Variants in SPATS2 observed in about 807,000 individuals in gnomAD.
The protein encoded by SPATS2 is spermatogenesis-associated serine-rich protein 2.
Under a neutral mutation model 63.7 loss-of-function variants are expected in SPATS2, and 38 were observed. The observed-to-expected ratio is 0.60, with a 90% CI of 0.46 to 0.78. The LOEUF (loss-of-function observed/expected upper bound fraction) is 0.78, where lower values mean the gene tolerates loss of function less well. Ranked by LOEUF, SPATS2 falls within the 30% of genes least tolerant of loss-of-function variation. The pLI is 0.00. For missense variants in SPATS2, 588 were observed against 666.2 expected, an observed-to-expected ratio of 0.88 and a Z score of 1.29; for synonymous variants, 207 against 232.9, an observed-to-expected ratio of 0.89 and a Z score of 1.01.
At position 49,382,087 on chromosome 12, in the gene SPATS2, T is replaced by C. The variant is rs537619417; in HGVS notation, c.-244+10797T>C. Reference sequence around the variant, plus strand: ...TCCACAGCTTTGTCCTGAACTCTCCTGTCTCTTGCGATGCCTCTGTGCCTA... The same window carrying C: ...TCCACAGCTTTGTCCTGAACTCTCCCGTCTCTTGCGATGCCTCTGTGCCTA... On this transcript the variant is annotated intron_variant, in intron 2 of 13. Transcript: ENST00000552918. 2.0e-5 allele frequency among the ~76,000 whole-genome samples: 3 copies of C among 152,344 alleles called. No individual in the cohort carries two copies. The East Asian group carries it at 5.8e-4, about 29-fold the overall frequency.
chr12:49,516,152 AAAAAAAAAAAAAAAATATATATATATAT>A (rs1946837089), intron 10 of SPATS2, among the ~76,000 whole-genome samples: 1 of 41,416 alleles, frequency 2.4e-5, no homozygotes, highest in Non-Finnish European at 4.2e-5. Context: ...AAAAAAAAAA[AAAAAAAAAAAAAAAATATATATATATAT>A]ATATATATAT....
chr12:49,471,574 T>C (rs1462576832), intron 3 of SPATS2, among the ~76,000 whole-genome samples: 3 of 152,168 alleles, frequency 2.0e-5, no homozygotes, highest in African/African-American at 7.2e-5. Context: ...TCAAGTGATC[T>C]TCCTGGCTTG....
At chr12:49,429,828 T>C (rs1360405197) in intron 2 of SPATS2, among the ~76,000 whole-genome samples, 1 of 149,282 alleles carries the variant, frequency 6.7e-6, no homozygotes, top group Non-Finnish European at 1.5e-5. Context: ...TCACCCAGGC[T>C]GGAGTTCAGT....
chr12:49,500,275 TTCC>T, intron 9 of SPATS2, 70 bp downstream of exon 9: 1 of 1,468,920 alleles, frequency 6.8e-7, no homozygotes, highest in South Asian at 1.5e-5. Context: ...TGGTCAGCCA[TTCC>T]CCAAGTTCAT....
At chr12:49,400,189 A>T (rs771105883) in intron 2 of SPATS2, among the ~76,000 whole-genome samples, 1 of 152,172 alleles carries the variant, frequency 6.6e-6, no homozygotes, top group Non-Finnish European at 1.5e-5. Flanking sequence ...GATGTTGCAG[A>T]TATCTAAGTA....
intron 9 of SPATS2, among the ~76,000 whole-genome samples, chr12:49,504,770 C>CTTTTTTTTTTTTT (rs745453843): frequency 1.4e-4 from 14 of 98,850 alleles, no homozygotes; most frequent in Non-Finnish European, 2.1e-4. Context: ...TTCTTTCTTT[C>CTTTTTTTTTTTTT]TTTTTTTTTT....
chr12:49,500,446 G>A (rs1946544945), intron 9 of SPATS2, among the ~76,000 whole-genome samples: 1 of 152,132 alleles, frequency 6.6e-6, no homozygotes, highest in African/African-American at 2.4e-5. Context: ...TTTGGAAAGG[G>A]ACACATAATT....
intron 2 of SPATS2, among the ~76,000 whole-genome samples, chr12:49,455,907 C>T (rs957891902): frequency 4.6e-5 from 7 of 152,252 alleles, no homozygotes; most frequent in African/African-American, 1.7e-4. Flanking sequence ...CAGGCATGAG[C>T]CATGGTGCCC....
chr12:49,399,550 G>A (rs1452526759), intron 2 of SPATS2, among the ~76,000 whole-genome samples: 2 of 152,208 alleles, frequency 1.3e-5, no homozygotes, highest in African/African-American at 2.4e-5. Flanking sequence ...TGGTGTGTAG[G>A]AGGGCTAAAA....
At chr12:49,436,967 C>A (rs1414034838) in intron 2 of SPATS2, among the ~76,000 whole-genome samples, 3 of 149,878 alleles carry the variant, frequency 2.0e-5, no homozygotes, top group Non-Finnish European at 3.0e-5. Flanking sequence ...GGCTAACCCC[C>A]CCACCTCCAT....
At position 49,514,568 on chromosome 12, in the gene SPATS2, G is replaced by A; in HGVS notation, c.853G>A (p.Glu285Lys). 1 of 1,613,328 alleles carries A rather than the reference G, an allele frequency of 6.2e-7. No homozygotes were observed. Among genetic ancestry groups the A allele is most frequent in the Non-Finnish European group, 8.5e-7 (1 of 1,179,670 alleles). The change falls in exon 10 of 14, where the codon GAA becomes AAA. Residue 285 changes from glutamate (E) to lysine (K), a missense_variant. Glu to Lys is a moderately conservative substitution (Grantham distance 56, BLOSUM62 1). Transcript: ENST00000552918. ...AELESCLMDR[E>K]VALLAEMDKV... ...ATCTTTTCCTAGTTTAATGGATCGA[G>A]AAGTGGCGTTGCTTGCTGAAATGGA... is the stretch of plus-strand genomic sequence containing the variant.
chr12:49,524,847 C>T lies in SPATS2; in HGVS notation c.1277C>T (p.Pro426Leu), dbSNP rs777096238. 1 of 1,612,850 alleles carries T rather than the reference C, an allele frequency of 6.2e-7. No homozygotes were observed. The highest frequency in any genetic ancestry group is 1.7e-5 in the Admixed American group (1 of 59,852). ...AAAAACTTTGCACCGGGAGAGACTC[C>T]TGCAGCCATAGCAAACTCCAGTGGC... ...NKKNFAPGET[P>L]AAIANSSGQP... The change falls in exon 13 of 14, where the codon CCT becomes CTT. Residue 426 changes from proline to leucine, a missense_variant. Physicochemically the swap from Pro to Leu is moderately conservative, Grantham distance 98 (BLOSUM62 -3). Coordinates refer to ENST00000552918, the MANE Select transcript of SPATS2 (RefSeq NM_023071.4).
intron 9 of SPATS2, among the ~76,000 whole-genome samples, chr12:49,502,515 G>A (rs1946582324): frequency 6.6e-6 from 1 of 152,048 alleles, no homozygotes; most frequent in Non-Finnish European, 1.5e-5. Context: ...CGGTGGCACG[G>A]TCATGGCTCA....
intron 4 of SPATS2, among the ~76,000 whole-genome samples, chr12:49,486,081 A>T (rs1946287370): frequency 6.6e-6 from 1 of 151,492 alleles, no homozygotes; most frequent in Non-Finnish European, 1.5e-5. Flanking sequence ...TTAAAAAAAA[A>T]TTGTTGACTA....
intron 2 of SPATS2, among the ~76,000 whole-genome samples, chr12:49,435,272 C>T (rs554833481): frequency 6.6e-6 from 1 of 151,932 alleles, no homozygotes; most frequent in East Asian, 1.9e-4. Context: ...CCTCATGATC[C>T]GCCTGCCTCA....
At chr12:49,446,932 CT>C (rs568526407) in intron 2 of SPATS2, among the ~76,000 whole-genome samples, 237 of 142,712 alleles carry the variant, frequency 1.7e-3, no homozygotes, top group Admixed American at 2.0e-3. Flanking sequence ...CTTTTCTTTT[CT>C]TTTTTTTTTT....
At chr12:49,386,112 G>A (rs1317252986) in intron 2 of SPATS2, among the ~76,000 whole-genome samples, 21 of 147,948 alleles carry the variant, frequency 1.4e-4, no homozygotes, top group African/African-American at 3.8e-4. Flanking sequence ...CAAGTGATCC[G>A]CCTGCCTCGG....
At chr12:49,368,096 C>T (rs1943934314) in intron 1 of SPATS2, among the ~76,000 whole-genome samples, 1 of 152,106 alleles carries the variant, frequency 6.6e-6, no homozygotes, top group Admixed American at 6.5e-5. Context: ...CGAACAGACG[C>T]AGAGACATAA....
intron 2 of SPATS2, among the ~76,000 whole-genome samples, chr12:49,424,547 T>C (rs1413549593): frequency 6.6e-6 from 1 of 152,212 alleles, no homozygotes; most frequent in Non-Finnish European, 1.5e-5. Flanking sequence ...CAAAAGTTAT[T>C]AGGGCAAAGT....
Sources: gnomAD v4.1 joint callset for allele counts (sites outside exome capture counted in the v4.1 genomes callset) on GRCh38, gnomAD v4.1.1 for gene constraint, MANE v1.5 for transcripts, NCBI Gene and HGNC (gene_info 2026-07-23, HGNC 2026-07-21) for gene names.